The following SPOCK3 variants were observed in gnomAD, a reference collection of about 807,000 sequenced individuals.
SPOCK3 encodes testican-3.
SPOCK3 carries 30 observed loss-of-function variants against 56.6 expected under a neutral mutation model. The observed-to-expected ratio is 0.53, with a 90% CI of 0.40 to 0.72. The LOEUF (loss-of-function observed/expected upper bound fraction) is 0.72. SPOCK3 is among the 30% of genes least tolerant of loss of function. The probability of loss-of-function intolerance (pLI) is 0.00; values close to 1 mark genes in which losing one functional copy is unlikely to be tolerated. For synonymous variants in SPOCK3, 196 were observed against 183.3 expected, an observed-to-expected ratio of 1.07 and a Z score of -0.56; for missense variants, 527 against 530.0, an observed-to-expected ratio of 0.99 and a Z score of 0.06.
intron 2 of SPOCK3, among the ~76,000 whole-genome samples, chr4:167,232,952 C>T (rs566816697): frequency 6.6e-6 from 1 of 152,258 alleles, no homozygotes; most frequent in East Asian, 1.9e-4. Context: ...TAACTCATCT[C>T]CACGTAGTGC....
intron 2 of SPOCK3, among the ~76,000 whole-genome samples, chr4:167,112,172 A>AC (rs1760960173): frequency 6.6e-6 from 1 of 152,172 alleles, no homozygotes; most frequent in Admixed American, 6.6e-5. Context: ...AGCTCATAAT[A>AC]CCTGAGTGCA....
intron 2 of SPOCK3, among the ~76,000 whole-genome samples, chr4:167,134,520 G>A (rs909377068): frequency 9.2e-5 from 14 of 152,018 alleles, no homozygotes; most frequent in African/African-American, 3.4e-4. Flanking sequence ...AAAACTGTCT[G>A]GGTAGTTATT....
intron 6 of SPOCK3, among the ~76,000 whole-genome samples, chr4:166,855,348 A>C (rs1276438956): frequency 6.6e-6 from 1 of 152,110 alleles, no homozygotes; most frequent in Admixed American, 6.5e-5. Context: ...AACCAAAGAG[A>C]GCAGAGAGAA....
intron 2 of SPOCK3, among the ~76,000 whole-genome samples, chr4:167,178,598 A>G (rs976847924): frequency 3.9e-4 from 60 of 152,182 alleles, no homozygotes; most frequent in African/African-American, 1.4e-3. Flanking sequence ...ATTAATTGTT[A>G]CATAACTTAA....
intron 2 of SPOCK3, among the ~76,000 whole-genome samples, chr4:167,108,367 C>T (rs761766479): frequency 1.3e-5 from 2 of 151,858 alleles, no homozygotes; most frequent in African/African-American, 2.4e-5. Context: ...ATGTTTACTG[C>T]GTCACTATTC....
At chr4:167,217,873 G>A (rs1302509311) in intron 2 of SPOCK3, among the ~76,000 whole-genome samples, 1 of 151,344 alleles carries the variant, frequency 6.6e-6, no homozygotes. Context: ...TTTTTTATTA[G>A]GCCATCTAGG....
chr4:166,815,258 A>G (rs1014894131), intron 6 of SPOCK3, among the ~76,000 whole-genome samples: 5 of 134,288 alleles, frequency 3.7e-5, no homozygotes, highest in African/African-American at 1.6e-4. Flanking sequence ...TACTGTGCCC[A>G]TCAACTAATT....
rs114558639 is a variant in SPOCK3, at chr4:167,064,794, C to T, written c.190-2257G>A. On this transcript the variant is annotated intron_variant, in intron 2 of 10. Transcript: ENST00000357545. ...TGAAAGTTGGAAAAATAATATCTAC[C>T]TATTTGAGGGGGAGATATTGGGATT... 4.9e-3 allele frequency among the ~76,000 whole-genome samples: 751 copies of T among 151,760 alleles called. 8 individuals are homozygous for T. The highest frequency in any genetic ancestry group is 0.017 in the African/African-American group (705 of 41,434).
chr4:166,780,450 A>C (rs998989336), intron 7 of SPOCK3, among the ~76,000 whole-genome samples: 24 of 152,102 alleles, frequency 1.6e-4, no homozygotes, highest in African/African-American at 5.6e-4. Flanking sequence ...CCAAGAAACC[A>C]CCTGAGAAGC....
Position 167,028,406 on chromosome 4 carries a change from A to AC in SPOCK3, c.236-27944_236-27943insG, listed in dbSNP as rs35401736. The stretch of plus-strand genomic sequence containing the variant: ...AACAACAACAACAACAACAACAACA[A>AC]AAGAATAATCCTGCATGTGTACTAT... On this transcript the variant is annotated intron_variant, in intron 3 of 10. Coordinates refer to ENST00000357545, the MANE Select transcript of SPOCK3 (RefSeq NM_001040159.2). Among the ~76,000 whole-genome samples, 507 of 150,974 alleles carry AC rather than the reference A, an allele frequency of 3.4e-3. 1 individual carries two copies. The highest frequency in any genetic ancestry group is 0.011 in the African/African-American group (444 of 41,094).
chr4:167,025,240 A>G (rs1010886646), intron 3 of SPOCK3, among the ~76,000 whole-genome samples: 13 of 150,852 alleles, frequency 8.6e-5, no homozygotes, highest in African/African-American at 2.9e-4. Flanking sequence ...TTTTCCTTAG[A>G]AAAAACTGCC....
chr4:166,995,521 A>C (rs1303136818), intron 4 of SPOCK3, among the ~76,000 whole-genome samples: 1 of 150,606 alleles, frequency 6.6e-6, no homozygotes, highest in Non-Finnish European at 1.5e-5. Flanking sequence ...ATATATAAAC[A>C]AGATAGGCAT....
intron 3 of SPOCK3, among the ~76,000 whole-genome samples, chr4:167,022,588 A>G (rs952206759): frequency 2.0e-5 from 3 of 152,066 alleles, no homozygotes; most frequent in Non-Finnish European, 4.4e-5. Flanking sequence ...TGAAAAAGAT[A>G]CAATTGAAAG....
chr4:167,038,957 T>C (rs1242210960), intron 3 of SPOCK3, among the ~76,000 whole-genome samples: 2 of 152,186 alleles, frequency 1.3e-5, no homozygotes, highest in East Asian at 3.8e-4. Context: ...GGTACTGCTG[T>C]AGCAAAGTAC....
intron 3 of SPOCK3, among the ~76,000 whole-genome samples, chr4:167,036,228 A>C (rs969824151): frequency 1.3e-5 from 2 of 152,064 alleles, no homozygotes; most frequent in Admixed American, 1.3e-4. Flanking sequence ...GACGTGCCAA[A>C]ATGTATTTCC....
chr4:166,933,509 G>A (rs538064445), intron 4 of SPOCK3, among the ~76,000 whole-genome samples: 2 of 152,066 alleles, frequency 1.3e-5, no homozygotes, highest in South Asian at 2.1e-4. Flanking sequence ...TCTCTCACAG[G>A]AAATCTCAAT....
chr4:166,948,804 T>C (rs968153717), intron 4 of SPOCK3, among the ~76,000 whole-genome samples: 3 of 152,098 alleles, frequency 2.0e-5, no homozygotes, highest in Non-Finnish European at 4.4e-5. Flanking sequence ...CTTTGGTGAA[T>C]CTGACAATTA....
intron 4 of SPOCK3, among the ~76,000 whole-genome samples, chr4:166,930,653 A>G (rs1447929293): frequency 3.9e-5 from 6 of 152,302 alleles, no homozygotes; most frequent in South Asian, 2.1e-4. Flanking sequence ...CACTTAAATT[A>G]CCACAGAAGG....
chr4:166,824,870 CTAAT>C lies in SPOCK3; in HGVS notation c.590-32585_590-32582del, dbSNP rs139649274. ...TCATATCCTTGCAGGGAAAATTACA[CTAAT>C]TGATACACTTTACTACAGTTGTATT... On this transcript the variant is annotated intron_variant, in intron 6 of 10. Coordinates refer to ENST00000357545, the MANE Select transcript of SPOCK3 (RefSeq NM_001040159.2). Among the ~76,000 whole-genome samples, 1,348 of 152,114 alleles carry C rather than the reference CTAAT, an allele frequency of 8.9e-3. 55 individuals are homozygous for C. Among genetic ancestry groups the C allele is most frequent in the Admixed American group, 0.071 (1,083 of 15,254 alleles).
Sources: allele counts gnomAD v4.1 joint callset (sites outside exome capture counted in the v4.1 genomes callset), GRCh38; gene constraint gnomAD v4.1.1; transcripts MANE v1.5; gene names NCBI Gene and HGNC (gene_info 2026-07-23, HGNC 2026-07-21).